The following SLC44A1 variants were observed in gnomAD, a reference collection of about 807,000 sequenced individuals.
SLC44A1 encodes choline transporter-like protein 1.
Under a neutral mutation model 79.3 loss-of-function variants are expected in SLC44A1, and 26 were observed. The ratio of observed to expected loss-of-function variants is 0.33; its 90% CI spans 0.24 to 0.46. SLC44A1 has a LOEUF of 0.46. SLC44A1 is among the 20% of genes least tolerant of loss of function. SLC44A1 has a pLI of 1.00. For synonymous variants in SLC44A1, 263 were observed against 286.2 expected, an observed-to-expected ratio of 0.92 and a Z score of 0.82; for missense variants, 688 against 798.1, an observed-to-expected ratio of 0.86 and a Z score of 1.66.
chr9:105,356,073 A>C lies in SLC44A1; in HGVS notation c.501-139A>C, dbSNP rs892471432. On this transcript the variant is annotated intron_variant, in intron 5 of 15. Coordinates refer to ENST00000374720, the MANE Select transcript of SLC44A1 (RefSeq NM_080546.5). ...CAGTCATCCTCATAGCATTAAGCAC[A>C]CAGCTCTTAGCTCCCATAATGATGT... 1.6e-5 allele frequency: 11 copies of C among 667,604 alleles called. No homozygotes were observed. The African/African-American group carries it at 1.8e-4, about 11-fold the overall frequency. The allele number at this position is 667,604 out of a possible 1,614,324, so 41.4% of individuals were successfully genotyped here.
chr9:105,373,273 A>C (rs1221650286), intron 12 of SLC44A1, among the ~76,000 whole-genome samples: 1 of 152,190 alleles, frequency 6.6e-6, no homozygotes, highest in African/African-American at 2.4e-5. Context: ...TCAGCACTAA[A>C]CCCAAATTCC....
At chr9:105,424,430 TG>T in intron 15 of SLC44A1, among the ~76,000 whole-genome samples, 1 of 152,302 alleles carries the variant, frequency 6.6e-6, no homozygotes, top group African/African-American at 2.4e-5. Context: ...TAGTGTGGGC[TG>T]GGGCGAGGAG....
chr9:105,389,624 A>C lies in SLC44A1; in HGVS notation c.*568A>C. On this transcript the variant is annotated 3_prime_UTR_variant, in exon 16 of 16. Transcript: ENST00000374720. The stretch of plus-strand genomic sequence containing the variant: ...TTTTAGAAACATACAATTGGGCCCA[A>C]TATGGGAATTTTCATAATAGTTCAT... The C allele has an allele frequency of 2.5e-6, 3 of 1,194,648 alleles. No homozygotes were observed. The highest frequency in any genetic ancestry group is 3.1e-6 in the Non-Finnish European group (3 of 963,572). 74.0% of individuals were successfully genotyped at this position (1,194,648 alleles called of 1,614,324 possible). A position where few individuals can be genotyped will look rare whatever the true frequency, so the allele number is the denominator to read the frequency against.
intron 1 of SLC44A1, among the ~76,000 whole-genome samples, chr9:105,247,503 G>A (rs1829485452): frequency 6.6e-6 from 1 of 152,112 alleles, no homozygotes; most frequent in Non-Finnish European, 1.5e-5. Flanking sequence ...TGCCATGTTG[G>A]TCAGGCTGGT....
rs71494515 is a variant in SLC44A1 at position 105,314,601 on chromosome 9, G to A, written c.269+4735G>A. 5.3e-5 allele frequency among the ~76,000 whole-genome samples: 8 copies of A among 151,950 alleles called. No homozygotes were observed. The South Asian group carries it at 8.3e-4, about 16-fold the overall frequency. On this transcript the variant is annotated intron_variant, in intron 3 of 15. Coordinates refer to ENST00000374720, the MANE Select transcript of SLC44A1 (RefSeq NM_080546.5). ...TCTTCTTGTCTTTCTTCCAAGGAAG[G>A]CATTTAAAGTCCCAGTCACTGATAA...
In SLC44A1 at chr9:105,313,296, CTCTG is replaced by C. The variant is rs566679831; in HGVS notation, c.269+3436_269+3439del. Among the ~76,000 whole-genome samples, 577 of 152,308 alleles carry C rather than the reference CTCTG, an allele frequency of 3.8e-3. 5 individuals are homozygous for C. Among genetic ancestry groups the C allele is most frequent in the African/African-American group, 0.013 (537 of 41,566 alleles). ...ACTCTAATTATATTGTGTGTTTCTC[CTCTG>C]TCTGTATTAATTGGCAGTTGCTAGG... On this transcript the variant is annotated intron_variant, in intron 3 of 15. Transcript: ENST00000374720.
intron 1 of SLC44A1, among the ~76,000 whole-genome samples, chr9:105,264,797 A>AT (rs34275618): frequency 0.022 from 3,182 of 141,922 alleles, 86 homozygotes; most frequent in African/African-American, 0.062. Context: ...CATACCTGGA[A>AT]TTTTTTTTTT....
At chr9:105,370,951 A>G (rs1469567153) in intron 12 of SLC44A1, among the ~76,000 whole-genome samples, 1 of 152,236 alleles carries the variant, frequency 6.6e-6, no homozygotes, top group African/African-American at 2.4e-5. Context: ...TTAATATGGT[A>G]GGATATTTTC....
chr9:105,428,958 C>T (rs929217871), intron 15 of SLC44A1, among the ~76,000 whole-genome samples: 3 of 152,218 alleles, frequency 2.0e-5, no homozygotes, highest in African/African-American at 7.2e-5. Flanking sequence ...CCTGCCTTAG[C>T]CTCCCAGAGT....
intron 14 of SLC44A1, 81 bp from the exon 15 acceptor site, chr9:105,385,341 A>G: frequency 2.0e-6 from 2 of 999,632 alleles, no homozygotes; most frequent in African/African-American, 1.6e-5. Context: ...TGAGTCAAAA[A>G]TGTAGATGTT....
In SLC44A1 at chr9:105,299,059, A is replaced by AACGTC. The variant is rs549204287; in HGVS notation, c.37-158_37-154dup. ...GTTATTAGCTGTGGGGGTTAGCATA[A>AACGTC]ACGTCACAGAAAAGGTGACAAATAT... On this transcript the variant is annotated intron_variant, in intron 1 of 15. Coordinates refer to ENST00000374720, the MANE Select transcript of SLC44A1 (RefSeq NM_080546.5). Among the ~76,000 whole-genome samples, 267 of 152,320 alleles carry AACGTC rather than the reference A, an allele frequency of 1.8e-3. 2 individuals carry two copies. The highest frequency in any genetic ancestry group is 6.2e-3 in the African/African-American group (259 of 41,564).
rs747535473 is a variant in SLC44A1, at chr9:105,383,139, G to C, written c.1649G>C (p.Ser550Thr). 6 of 1,613,308 alleles carry C rather than the reference G, an allele frequency of 3.7e-6. No homozygotes were observed. The Admixed American group carries it at 1.0e-4, about 27-fold the overall frequency. The change falls in exon 14 of 16, where the codon AGC becomes ACC. Residue 550 changes from serine to threonine, a missense_variant. Coordinates refer to ENST00000374720, the MANE Select transcript of SLC44A1 (RefSeq NM_080546.5). ...LFLGKVLIVCSTGLAGIMLLN... is the reference protein window; with the variant it reads ...LFLGKVLIVCTTGLAGIMLLN... ...CTGCTTCAGGTGCTGATAGTCTGCAGCACAGGTTTAGCTGGGATTATGCTG... is the reference window on the plus strand; with the variant it reads ...CTGCTTCAGGTGCTGATAGTCTGCACCACAGGTTTAGCTGGGATTATGCTG...
Position 105,289,736 on chromosome 9 carries a change from G to A in SLC44A1, c.37-9484G>A, listed in dbSNP as rs555570756. Among the ~76,000 whole-genome samples, 362 of 151,634 alleles carry A rather than the reference G, an allele frequency of 2.4e-3. 1 individual carries two copies. Among genetic ancestry groups the A allele is most frequent in the African/African-American group, 8.2e-3 (339 of 41,346 alleles). ...TTTACCAAATTCTGCCCACCTATTTGCTATATTATGATCAGTGCAATCTTT... is the reference window on the plus strand; with the variant it reads ...TTTACCAAATTCTGCCCACCTATTTACTATATTATGATCAGTGCAATCTTT... On this transcript the variant is annotated intron_variant, in intron 1 of 15. Coordinates refer to ENST00000374720, the MANE Select transcript of SLC44A1 (RefSeq NM_080546.5).
chr9:105,376,065 T>C (rs1175513143), intron 13 of SLC44A1, among the ~76,000 whole-genome samples: 1 of 152,134 alleles, frequency 6.6e-6, no homozygotes, highest in Non-Finnish European at 1.5e-5. Context: ...CAAATACTAT[T>C]TGTAAACATT....
At chr9:105,387,060 A>ATATATAT (rs761598964) in intron 15 of SLC44A1, among the ~76,000 whole-genome samples, 101 of 7,742 alleles carry the variant, frequency 0.013, 2 homozygotes, top group African/African-American at 0.04. Flanking sequence ...AAAAAAAAAA[A>ATATATAT]ATATATATAT....
chr9:105,431,362 C>T (rs1039619047), intron 15 of SLC44A1, among the ~76,000 whole-genome samples: 1 of 152,164 alleles, frequency 6.6e-6, no homozygotes, highest in African/African-American at 2.4e-5. Flanking sequence ...GTCTTGATAT[C>T]GTGTCAATGT....
intron 4 of SLC44A1, among the ~76,000 whole-genome samples, chr9:105,348,031 T>C (rs900851061): frequency 6.6e-6 from 1 of 152,080 alleles, no homozygotes; most frequent in Admixed American, 6.6e-5. Flanking sequence ...GTAGGCTTAA[T>C]AATACCTGCC....
At chr9:105,307,643 TAAAA>T (rs35472593) in intron 2 of SLC44A1, among the ~76,000 whole-genome samples, 1 of 139,160 alleles carries the variant, frequency 7.2e-6, no homozygotes, top group African/African-American at 2.6e-5. Flanking sequence ...GACTCCATCT[TAAAA>T]AAAAAAAAAA....
chr9:105,297,835 C>T (rs1207281992), intron 1 of SLC44A1, among the ~76,000 whole-genome samples: 4 of 152,198 alleles, frequency 2.6e-5, no homozygotes, highest in Non-Finnish European at 5.9e-5. Flanking sequence ...CTCCAGCCCC[C>T]TCCTGCTCAT....
Sources: gnomAD v4.1 joint callset for allele counts (sites outside exome capture counted in the v4.1 genomes callset) on GRCh38, gnomAD v4.1.1 for gene constraint, MANE v1.5 for transcripts, NCBI Gene and HGNC (gene_info 2026-07-23, HGNC 2026-07-21) for gene names.